CDH4: variants seen among roughly 807,000 people sequenced by gnomAD.
CDH4 encodes the protein cadherin-4.
A neutral mutation model predicts 86.0 loss-of-function variants in CDH4; 33 were observed. That is an observed-to-expected ratio of 0.38 (90% confidence interval 0.29 to 0.51). The LOEUF is 0.51. Ranked by LOEUF, CDH4 falls within the 20% of genes least tolerant of loss-of-function variation. The pLI is 0.86. For missense variants in CDH4, 1,114 were observed against 1,307.4 expected (o/e 0.85, Z 2.28); for synonymous variants, 555 against 549.4 (o/e 1.01, Z -0.14).
At chr20:61,354,842 G>A (rs563211933) in intron 2 of CDH4, among the ~76,000 whole-genome samples, 1 of 152,314 alleles carries the variant, frequency 6.6e-6, no homozygotes, top group East Asian at 1.9e-4. Context: ...TGCAGGAGCG[G>A]CTGGAGAGCA....
intron 2 of CDH4, among the ~76,000 whole-genome samples, chr20:61,671,677 G>C (rs1162642887): frequency 6.6e-6 from 1 of 151,488 alleles, no homozygotes; most frequent in African/African-American, 2.4e-5. Flanking sequence ...GATGGATGGT[G>C]GATGGATGGG....
chr20:61,417,764 A>C lies in CDH4; in HGVS notation c.169+162827A>C, dbSNP rs1024702616. 6.6e-6 allele frequency among the ~76,000 whole-genome samples: 1 copy of C among 152,032 alleles called. No homozygotes were observed. Among genetic ancestry groups the C allele is most frequent in the Non-Finnish European group, 1.5e-5 (1 of 68,000 alleles). On this transcript the variant is annotated intron_variant, in intron 2 of 15. Coordinates refer to ENST00000614565, the MANE Select transcript of CDH4 (RefSeq NM_001794.5). This position sits in a 1 kb window ranked among gnomAD's most constrained non-coding sequence, Gnocchi z 4.0. ...GTGGGCACAGGAGCCTTGACCTGAC[A>C]AGGTCCTCGAGGCCAGGCGAGGTCT... is the stretch of plus-strand genomic sequence containing the variant.
intron 4 of CDH4, among the ~76,000 whole-genome samples, chr20:61,841,752 G>A (rs76366825): frequency 4.6e-4 from 70 of 152,234 alleles, no homozygotes; most frequent in African/African-American, 1.7e-3. Context: ...CATGTGCACA[G>A]GAGTGTGTGT....
At position 61,879,898 on chromosome 20, in the gene CDH4, A is replaced by G. The variant is rs1984206644; in HGVS notation, c.1050+5998A>G. Among the ~76,000 whole-genome samples, 1 of 152,164 alleles carries G rather than the reference A, an allele frequency of 6.6e-6. No individual in the cohort carries two copies. Among genetic ancestry groups the G allele is most frequent in the Non-Finnish European group, 1.5e-5 (1 of 68,042 alleles). On this transcript the variant is annotated intron_variant, in intron 7 of 15. Transcript: ENST00000614565. This position sits in a 1 kb window ranked among gnomAD's most constrained non-coding sequence, Gnocchi z 4.1. ...CTTCCGGTCCTATCACAAGAGGACT[A>G]TCACCTGGTCACCTCCATCAGCTTG...
intron 2 of CDH4, chr20:61,738,643 A>G (rs1194915663): frequency 6.6e-6 from 1 of 152,370 alleles, no homozygotes; most frequent in Admixed American, 6.5e-5. Context: ...CATCAGCTGC[A>G]GAAGGTTCCC....
chr20:61,862,739 T>A (rs1029343712), intron 6 of CDH4, among the ~76,000 whole-genome samples: 2 of 152,224 alleles, frequency 1.3e-5, no homozygotes, highest in African/African-American at 4.8e-5. Flanking sequence ...ATTTTTTAAC[T>A]AAAAAGGGCT....
rs1600751459 is a variant in CDH4 at position 61,899,110 on chromosome 20, G to C, written c.1188+4063G>C. On this transcript the variant is annotated intron_variant, in intron 8 of 15. Coordinates refer to ENST00000614565, the MANE Select transcript of CDH4 (RefSeq NM_001794.5). ...CGGAGTTCAAGACCAGCCTGGCCAA[G>C]ATGTGAAACCCCATCTCTACTAAAA... 2.0e-5 allele frequency among the ~76,000 whole-genome samples: 3 copies of C among 152,146 alleles called. No homozygotes were observed. In the East Asian group the frequency reaches 5.8e-4, roughly 29 times the overall value.
At position 61,323,929 on chromosome 20, in the gene CDH4, C is replaced by A. The variant is rs16984974; in HGVS notation, c.169+68992C>A. Among the ~76,000 whole-genome samples the A allele has an allele frequency of 3.4e-3, 523 of 152,272 alleles. 6 individuals carry two copies. Among genetic ancestry groups the A allele is most frequent in the African/African-American group, 0.012 (481 of 41,550 alleles). ...ATGATAATTGTGACTTACCCAGAGA[C>A]AAGGCCTTTGAACCTGAAGTTACGG... On this transcript the variant is annotated intron_variant, in intron 2 of 15. Transcript: ENST00000614565.
At chr20:61,790,503 C>G (rs906115804) in intron 4 of CDH4, among the ~76,000 whole-genome samples, 2 of 150,090 alleles carry the variant, frequency 1.3e-5, no homozygotes, top group African/African-American at 4.9e-5. Context: ...CTCCATCCAT[C>G]CATTCATCTT....
intron 15 of CDH4, among the ~76,000 whole-genome samples, chr20:61,934,961 G>A (rs1035583518): frequency 1.3e-5 from 2 of 152,202 alleles, no homozygotes; most frequent in African/African-American, 2.4e-5. Context: ...CACTTCCAAC[G>A]CGCAGCTCCC....
At chr20:61,463,766 A>C (rs953558408) in intron 2 of CDH4, among the ~76,000 whole-genome samples, 2 of 152,216 alleles carry the variant, frequency 1.3e-5, no homozygotes, top group Non-Finnish European at 2.9e-5. Context: ...GACTGAACTC[A>C]ACTCCACTGA....
At chr20:61,578,513 A>G (rs1416928455) in intron 2 of CDH4, among the ~76,000 whole-genome samples, 1 of 152,208 alleles carries the variant, frequency 6.6e-6, no homozygotes, top group Non-Finnish European at 1.5e-5. Context: ...CAGTTCATCA[A>G]AGAAGAAAAC....
chr20:61,772,996 A>C lies in CDH4; in HGVS notation c.397-7A>C, dbSNP rs777328179. 6.2e-7 allele frequency: 1 copy of C among 1,605,140 alleles called. No homozygotes were observed. Among genetic ancestry groups the C allele is most frequent in the Non-Finnish European group, 8.5e-7 (1 of 1,174,084 alleles). Reference sequence around the variant, plus strand: ...CTCTGCCTCTTCTCTCCCCTTTCCAAATAAAGCCGCAGAAAGGAAAGAAGG... The same window carrying C: ...CTCTGCCTCTTCTCTCCCCTTTCCACATAAAGCCGCAGAAAGGAAAGAAGG... On this transcript the variant is annotated splice_polypyrimidine_tract_variant and splice_region_variant and intron_variant, in intron 3 of 15. Coordinates refer to ENST00000614565, the MANE Select transcript of CDH4 (RefSeq NM_001794.5).
chr20:61,410,655 C>T (rs113240198), intron 2 of CDH4, among the ~76,000 whole-genome samples: 700 of 111,536 alleles, frequency 6.3e-3, no homozygotes, highest in East Asian at 0.03. Flanking sequence ...ATCCATCCAT[C>T]CATCCTCTCA....
At position 61,565,221 on chromosome 20, in the gene CDH4, T is replaced by TGGTGGTAGTGGTCCTCTTGGTAATGGGG. The variant is rs1414076004; in HGVS notation, c.170-178342_170-178341insGGTGGTAGTGGTCCTCTTGGTAATGGGG. On this transcript the variant is annotated intron_variant, in intron 2 of 15. Transcript: ENST00000614565. ...GTGGTGGTCGCGGTGCTCTCGGTGGTAGGTGGTGGTGGTGGTGGTGGCGGT... is the reference window on the plus strand; with the variant it reads ...GTGGTGGTCGCGGTGCTCTCGGTGGTGGTGGTAGTGGTCCTCTTGGTAATGGGGAGGTGGTGGTGGTGGTGGTGGCGGT... 4.9e-5 allele frequency among the ~76,000 whole-genome samples: 2 copies of TGGTGGTAGTGGTCCTCTTGGTAATGGGG among 40,548 alleles called. 1 individual carries two copies. Among genetic ancestry groups the TGGTGGTAGTGGTCCTCTTGGTAATGGGG allele is most frequent in the Non-Finnish European group, 9.8e-5 (2 of 20,464 alleles). The allele number at this position is 40,548 out of a possible 152,430, so 26.6% of individuals were successfully genotyped here. A position where few individuals can be genotyped will look rare whatever the true frequency, so the allele number is the denominator to read the frequency against.
At chr20:61,584,831 G>A (rs1022993523) in intron 2 of CDH4, among the ~76,000 whole-genome samples, 8 of 148,168 alleles carry the variant, frequency 5.4e-5, no homozygotes, top group South Asian at 2.2e-4. Context: ...CGCACGGGGC[G>A]CGCTGCCTGG....
intron 10 of CDH4, among the ~76,000 whole-genome samples, 184 bp from the exon 11 acceptor site, chr20:61,924,150 G>A (rs188148776): frequency 4.6e-5 from 7 of 152,230 alleles, no homozygotes; most frequent in Non-Finnish European, 8.8e-5. Context: ...GTGGGGCCGG[G>A]GGGGAGGGTG....
chr20:61,467,932 G>A lies in CDH4; in HGVS notation c.169+212995G>A, dbSNP rs541015233. Reference sequence around the variant, plus strand: ...AGGGAAAGGACCCCAGTTAGAATCCGCCGAGGGAAGAAGTGGCACAGGGTG... The same window carrying A: ...AGGGAAAGGACCCCAGTTAGAATCCACCGAGGGAAGAAGTGGCACAGGGTG... On this transcript the variant is annotated intron_variant, in intron 2 of 15. Transcript: ENST00000614565. Among the ~76,000 whole-genome samples the A allele has an allele frequency of 6.2e-4, 94 of 152,294 alleles. No homozygotes were observed. The Middle Eastern group carries it at 0.01, about 17-fold the overall frequency.
At chr20:61,774,399 G>A (rs2088814557) in intron 4 of CDH4, among the ~76,000 whole-genome samples, 1 of 152,230 alleles carries the variant, frequency 6.6e-6, no homozygotes, top group South Asian at 2.1e-4. Context: ...CGATGCCAAT[G>A]GCAGTGCCGT....
Sources: allele counts gnomAD v4.1 joint callset (sites outside exome capture counted in the v4.1 genomes callset), GRCh38; gene constraint gnomAD v4.1.1; non-coding constraint Gnocchi (gnomAD v3.1); transcripts MANE v1.5; gene names NCBI Gene and HGNC (gene_info 2026-07-23, HGNC 2026-07-21).